Variants in OR6J1 observed in about 807,000 individuals in gnomAD.
The protein encoded by OR6J1 is olfactory receptor family 6 subfamily J member 1, also known as olfactory receptor 6J1.
For synonymous variants in OR6J1, 109 were observed against 70.0 expected, an observed-to-expected ratio of 1.56 and a Z score of -2.78; for missense variants, 304 against 166.8, an observed-to-expected ratio of 1.82 and a Z score of -4.53.
intron 1 of OR6J1, among the ~76,000 whole-genome samples, chr14:22,643,714 A>AACACACACACAC (rs1183889876): frequency 3.6e-5 from 3 of 84,060 alleles, no homozygotes; most frequent in Middle Eastern, 9.4e-3. Flanking sequence ...GCATGGCAGA[A>AACACACACACAC]ACACACACAC....
rs974727817 is a variant in OR6J1, at chr14:22,633,926, C to G, written c.886G>C (p.Val296Leu). The G allele has an allele frequency of 1.3e-5, 9 of 702,864 alleles. No individual in the cohort carries two copies. The highest frequency in any genetic ancestry group is 2.3e-5 in the Non-Finnish European group (9 of 384,896). The allele number at this position is 702,864 out of a possible 1,614,324, so 43.5% of individuals were successfully genotyped here. ...PFIYTLRNDTVQGVLRDVWVR... is the reference protein window; with the variant it reads ...PFIYTLRNDTLQGVLRDVWVR... The stretch of plus-strand genomic sequence containing the variant: ...CACACATCCCTGAGGACTCCCTGCA[C>G]TGTGTCATTCCTCAGAGTATATATA... Residue 296 changes from valine (V) to leucine (L), a missense_variant, in exon 2 of 2, where the codon GTG becomes CTG. By Grantham distance (32) the Val-to-Leu change is conservative. Coordinates refer to ENST00000540461, the MANE Select transcript of OR6J1 (RefSeq NM_001348233.2).
Position 22,644,306 on chromosome 14 carries a change from A to C in OR6J1, c.-236T>G, listed in dbSNP as rs1417248895. On this transcript the variant is annotated 5_prime_UTR_variant, in exon 1 of 2. Transcript: ENST00000540461. Reference sequence around the variant, plus strand: ...GTGACCTCTTGTCCGACGAGCATGCACTTGTGTTGTAGACAGCTGGAAGGT... The same window carrying C: ...GTGACCTCTTGTCCGACGAGCATGCCCTTGTGTTGTAGACAGCTGGAAGGT... 1 of 152,206 alleles carries C rather than the reference A, an allele frequency of 6.6e-6. No individual in the cohort carries two copies. Among genetic ancestry groups the C allele is most frequent in the African/African-American group, 2.4e-5 (1 of 41,412 alleles). 9.4% of individuals were successfully genotyped at this position (152,206 alleles called of 1,614,324 possible).
At chr14:22,636,838 C>G (rs1361630431) in intron 1 of OR6J1, among the ~76,000 whole-genome samples, 8 of 117,446 alleles carry the variant, frequency 6.8e-5, no homozygotes, top group Admixed American at 1.5e-4. Flanking sequence ...GCCGCCACCC[C>G]GTCTGGGAAG....
chr14:22,637,683 G>T (rs2037602489), intron 1 of OR6J1, among the ~76,000 whole-genome samples: 1 of 73,246 alleles, frequency 1.4e-5, no homozygotes, highest in Non-Finnish European at 2.7e-5. Flanking sequence ...GGAGGGAGGT[G>T]GGGGGGGTCA....
In OR6J1 at chr14:22,634,361, C is replaced by T; in HGVS notation, c.451G>A (p.Gly151Ser). 1 of 703,304 alleles carries T rather than the reference C, an allele frequency of 1.4e-6. No individual in the cohort carries two copies. The highest frequency in any genetic ancestry group is 1.5e-5 in the South Asian group (1 of 67,578). 43.6% of individuals were successfully genotyped at this position (703,304 alleles called of 1,614,324 possible). A position where few individuals can be genotyped will look rare whatever the true frequency, so the allele number is the denominator to read the frequency against. ...GTTGGAAAGAGCACAGACAGGAAGC[C>T]TCCCACCCAAGAGAATACAACGGTC... is the stretch of plus-strand genomic sequence containing the variant. ...IGTVVFSWVG[G>S]FLSVLFPTIL... The change falls in exon 2 of 2, where the codon GGC becomes AGC. Residue 151 changes from glycine (G) to serine (S), a missense_variant. Transcript: ENST00000540461.
chr14:22,639,394 C>A lies in OR6J1; in HGVS notation c.-27-4556G>T, dbSNP rs1176031090. ...CAGCCCCCCGCCCGGCCAGCCGCCC[C>A]GTCCGGGAGGTGAGGGGCGCCTCTG... On this transcript the variant is annotated intron_variant, in intron 1 of 1. Transcript: ENST00000540461. Among the ~76,000 whole-genome samples the A allele has an allele frequency of 5.4e-4, 66 of 123,334 alleles. 2 individuals carry two copies. Among genetic ancestry groups the A allele is most frequent in the East Asian group, 1.5e-3 (7 of 4,728 alleles). The allele number at this position is 123,334 out of a possible 152,430, so 80.9% of individuals were successfully genotyped here.
chr14:22,634,735 A>G lies in OR6J1; in HGVS notation c.77T>C (p.Leu26Pro), dbSNP rs987382335. 2 of 709,102 alleles carry G rather than the reference A, an allele frequency of 2.8e-6. No homozygotes were observed. Among genetic ancestry groups the G allele is most frequent in the African/African-American group, 1.7e-5 (1 of 57,378 alleles). The allele number at this position is 709,102 out of a possible 1,614,324, so 43.9% of individuals were successfully genotyped here. A position where few individuals can be genotyped will look rare whatever the true frequency, so the allele number is the denominator to read the frequency against. Residue 26 changes from leucine (L) to proline (P), a missense_variant, in exon 2 of 2, where the codon CTC becomes CCC. Physicochemically the swap from Leu to Pro is moderately conservative, Grantham distance 98. Transcript: ENST00000540461. ...GAACGTGGGCAGCAGGAGCACCAGG[A>G]GCAGCAGCTCCACCTCCCTGCTCAG... is the stretch of plus-strand genomic sequence containing the variant. Reference protein sequence around the residue: ...FSLSREVELLLLVLLLPTFLL... With the variant: ...FSLSREVELLPLVLLLPTFLL...
At chr14:22,641,675 G>A (rs1320307476) in intron 1 of OR6J1, among the ~76,000 whole-genome samples, 3 of 152,058 alleles carry the variant, frequency 2.0e-5, no homozygotes, top group Non-Finnish European at 2.9e-5. Flanking sequence ...TATGTTGTGG[G>A]GCCTGCGATT....
In OR6J1 at chr14:22,634,493, C is replaced by T. The variant is rs1406592615; in HGVS notation, c.319G>A (p.Gly107Ser). The T allele has an allele frequency of 1.4e-6, 1 of 703,124 alleles. No individual in the cohort carries two copies. Among genetic ancestry groups the T allele is most frequent in the South Asian group, 1.5e-5 (1 of 67,574 alleles). 43.6% of individuals were successfully genotyped at this position (703,124 alleles called of 1,614,324 possible). ...GTCAGCAGGAGGAACTCAACTGTGCCCAAGAAAAAGTAGAAATAGCACTGG... is the reference window on the plus strand; with the variant it reads ...GTCAGCAGGAGGAACTCAACTGTGCTCAAGAAAAAGTAGAAATAGCACTGG... The part of the protein sequence containing the change: ...ITQCYFYFFL[G>S]TVEFLLLTVM... The change falls in exon 2 of 2, where the codon GGC (glycine) becomes AGC (serine). Residue 107 changes from glycine to serine, a missense_variant. Coordinates refer to ENST00000540461, the MANE Select transcript of OR6J1 (RefSeq NM_001348233.2).
At chr14:22,641,482 AG>A (rs2037651911) in intron 1 of OR6J1, among the ~76,000 whole-genome samples, 5 of 32,516 alleles carry the variant, frequency 1.5e-4, no homozygotes, top group Non-Finnish European at 3.8e-4. Context: ...AAAGAAAGGA[AG>A]GAAGGAAGGA....
chr14:22,642,843 G>A (rs536837230), intron 1 of OR6J1, among the ~76,000 whole-genome samples: 1 of 151,716 alleles, frequency 6.6e-6, no homozygotes, highest in Admixed American at 6.6e-5. Flanking sequence ...TGCTCTGTCA[G>A]TGAGGCTGTA....
Position 22,634,763 on chromosome 14 carries a change from A to C in OR6J1, c.49T>G (p.Ser17Ala), listed in dbSNP as rs75056118. 2 of 703,444 alleles carry C rather than the reference A, an allele frequency of 2.8e-6. No individual in the cohort carries two copies. The highest frequency in any genetic ancestry group is 4.0e-5 in the Admixed American group (2 of 49,984). The allele number at this position is 703,444 out of a possible 1,614,324, so 43.6% of individuals were successfully genotyped here. ...AGCAGCTCCACCTCCCTGCTCAGGG[A>C]AAACCCCAGCAGAACAAACTCAGTC... The part of the protein sequence containing the change: ...AVTEFVLLGF[S>A]LSREVELLLL... Residue 17 changes from serine (S) to alanine (A), a missense_variant, in exon 2 of 2, where the codon TCC (serine) becomes GCC (alanine). Ser to Ala is a moderately conservative substitution (Grantham distance 99). Transcript: ENST00000540461.
In OR6J1 at chr14:22,634,272, A is replaced by G; in HGVS notation, c.540T>C (p.Ser180=). The change falls in exon 2 of 2, where the codon AGT becomes AGC. Residue 180 remains serine (S), a synonymous_variant. Coordinates refer to ENST00000540461, the MANE Select transcript of OR6J1 (RefSeq NM_001348233.2). ...CACAGGCCAGGGCCAGCAAGGGTCCACTGTCACAGAAGAAGTGGTTAATGA... is the reference window on the plus strand; with the variant it reads ...CACAGGCCAGGGCCAGCAAGGGTCCGCTGTCACAGAAGAAGTGGTTAATGA... ...SNIINHFFCD[S]GPLLALACAD... The G allele has an allele frequency of 1.4e-6, 1 of 703,394 alleles. No homozygotes were observed. The highest frequency in any genetic ancestry group is 2.6e-6 in the Non-Finnish European group (1 of 385,020). The allele number at this position is 703,394 out of a possible 1,614,324, so 43.6% of individuals were successfully genotyped here.
chr14:22,638,131 C>G (rs2037609655), intron 1 of OR6J1, among the ~76,000 whole-genome samples: 1 of 86,830 alleles, frequency 1.2e-5, no homozygotes, highest in East Asian at 2.8e-4. Context: ...TCTGCCCGGC[C>G]ACGACCCCGT....
chr14:22,634,431 G>A lies in OR6J1; in HGVS notation c.381C>T (p.Cys127=), dbSNP rs1566394241. 1.4e-6 allele frequency: 1 copy of A among 703,444 alleles called. No homozygotes were observed. The highest frequency in any genetic ancestry group is 2.6e-6 in the Non-Finnish European group (1 of 384,970). 43.6% of individuals were successfully genotyped at this position (703,444 alleles called of 1,614,324 possible). ...TCATGATGGTGGTGTACCGCAGGGGGCAGCAGATGGTGGCATAACGGTCAT... is the reference window on the plus strand; with the variant it reads ...TCATGATGGTGGTGTACCGCAGGGGACAGCAGATGGTGGCATAACGGTCAT... ...MSYDRYATIC[C]PLRYTTIMRP... The change falls in exon 2 of 2, where the codon TGC becomes TGT. Residue 127 remains cysteine, a synonymous_variant. Transcript: ENST00000540461.
intron 1 of OR6J1, among the ~76,000 whole-genome samples, chr14:22,639,245 C>T (rs1386858574): frequency 4.0e-5 from 5 of 125,312 alleles, no homozygotes; most frequent in Non-Finnish European, 6.5e-5. Context: ...GGGGGGTCAG[C>T]CCCCCGCCAG....
At chr14:22,636,006 C>A (rs954106225) in intron 1 of OR6J1, among the ~76,000 whole-genome samples, 1 of 151,986 alleles carries the variant, frequency 6.6e-6, no homozygotes, top group Non-Finnish European at 1.5e-5. Context: ...AGGCAAATCA[C>A]AAACAGGAAG....
Position 22,631,357 on chromosome 14 carries a change from C to A in OR6J1, c.*2411G>T, listed in dbSNP as rs1200593177. The A allele has an allele frequency of 6.6e-6, 1 of 152,142 alleles. No homozygotes were observed. Among genetic ancestry groups the A allele is most frequent in the Admixed American group, 6.5e-5 (1 of 15,278 alleles). The allele number at this position is 152,142 out of a possible 1,614,324, so 9.4% of individuals were successfully genotyped here. On this transcript the variant is annotated 3_prime_UTR_variant, in exon 2 of 2. Transcript: ENST00000540461. ...AAAAGACGGGCACGCCCAGGGGGGC[C>A]GTCTATAGGACTACACTCCCAGGCG...
intron 1 of OR6J1, among the ~76,000 whole-genome samples, chr14:22,640,166 T>C (rs2037632315): frequency 7.4e-6 from 1 of 135,874 alleles, no homozygotes; most frequent in Admixed American, 8.1e-5. Context: ...AACAAGAATA[T>C]GTATAGGGAA....
Sources: gnomAD v4.1 joint callset for allele counts (sites outside exome capture counted in the v4.1 genomes callset) on GRCh38, gnomAD v4.1.1 for gene constraint, MANE v1.5 for transcripts, NCBI Gene and HGNC (gene_info 2026-07-23, HGNC 2026-07-21) for gene names.